The following ROBO2 variants were observed in gnomAD, a reference collection of about 807,000 sequenced individuals.
ROBO2 encodes the protein roundabout guidance receptor 2.
ROBO2 carries 53 observed loss-of-function variants against 160.8 expected under a neutral mutation model. That is an observed-to-expected ratio of 0.33 (90% CI 0.26 to 0.41). The LOEUF is 0.41. ROBO2 is among the 10% of genes least tolerant of loss of function. The probability of loss-of-function intolerance (pLI) is 1.00; values close to 1 mark genes in which losing one functional copy is unlikely to be tolerated. For synonymous variants in ROBO2, 664 were observed against 611.7 expected, an observed-to-expected ratio of 1.09 and a Z score of -1.26; for missense variants, 1,577 against 1,722.4, an observed-to-expected ratio of 0.92 and a Z score of 1.49.
In ROBO2 at chr3:77,546,475, C is replaced by T. The variant is rs2092701861; in HGVS notation, c.1059+13C>T. 1 of 1,612,630 alleles carries T rather than the reference C, an allele frequency of 6.2e-7. No individual in the cohort carries two copies. On this transcript the variant is annotated intron_variant, in intron 7 of 25. Coordinates refer to ENST00000461745, the Ensembl canonical transcript of ROBO2. The stretch of plus-strand genomic sequence containing the variant: ...AGAAGGCAGCCAGGTGAGTGTGAGG[C>T]TTCACTGCTTTTCTGAAATCTCTGA...
intron 2 of ROBO2, among the ~76,000 whole-genome samples, chr3:76,011,112 T>TA (rs992815351): frequency 1.7e-4 from 26 of 152,172 alleles, no homozygotes; most frequent in Admixed American, 6.5e-5. Context: ...ATAGACTCCA[T>TA]ATCCCTCCCT....
At chr3:77,116,410 C>G (rs895292252) in intron 2 of ROBO2, among the ~76,000 whole-genome samples, 1 of 152,054 alleles carries the variant, frequency 6.6e-6, no homozygotes, top group Non-Finnish European at 1.5e-5. Context: ...GGGTATTTCT[C>G]GTTTCAGAAG....
At chr3:77,460,265 A>G (rs1009402524) in intron 2 of ROBO2, among the ~76,000 whole-genome samples, 2 of 152,170 alleles carry the variant, frequency 1.3e-5, no homozygotes, top group Admixed American at 1.3e-4. Context: ...TGAGCGATTC[A>G]TAGAAGATGA....
chr3:76,867,883 T>G (rs1467528582), intron 2 of ROBO2, among the ~76,000 whole-genome samples: 1 of 152,186 alleles, frequency 6.6e-6, no homozygotes, highest in African/African-American at 2.4e-5. Context: ...CCAGTAATAC[T>G]TGAGGCAAAT....
At chr3:77,103,415 T>TTG (rs2072323981) in intron 2 of ROBO2, among the ~76,000 whole-genome samples, 1 of 151,540 alleles carries the variant, frequency 6.6e-6, no homozygotes, top group Non-Finnish European at 1.5e-5. Flanking sequence ...ATCTTTTTTT[T>TTG]TTTTTCTTTT....
chr3:76,414,445 G>T (rs913059859), intron 2 of ROBO2, among the ~76,000 whole-genome samples: 14 of 151,946 alleles, frequency 9.2e-5, no homozygotes, highest in Admixed American at 8.5e-4. Flanking sequence ...CATAAAAAAT[G>T]ATGAGTTCAT....
At chr3:77,182,525 G>A (rs1294412258) in intron 2 of ROBO2, among the ~76,000 whole-genome samples, 4 of 152,162 alleles carry the variant, frequency 2.6e-5, no homozygotes, top group South Asian at 2.1e-4. Flanking sequence ...ATTCGAGCCC[G>A]TTCTTTTGAA....
rs548631342 is a variant in ROBO2 at position 76,670,671 on chromosome 3, T to C, written c.110-427343T>C. ...ATTGTACAACTAGAGCCTTCTGTGG[T>C]GTCACAATGAATAAATATGTTTTAT... On this transcript the variant is annotated intron_variant, in intron 2 of 26. Coordinates refer to the ROBO2 transcript ENST00000487694. 1.7e-4 allele frequency among the ~76,000 whole-genome samples: 26 copies of C among 152,142 alleles called. No homozygotes were observed. The South Asian group carries it at 4.8e-3, about 28-fold the overall frequency.
chr3:76,185,710 C>T (rs1575790306), intron 2 of ROBO2, among the ~76,000 whole-genome samples: 1 of 152,032 alleles, frequency 6.6e-6, no homozygotes, highest in East Asian at 1.9e-4. Context: ...TAAAAATTGC[C>T]ATAATTAGCA....
At chr3:76,751,346 A>T (rs562929174) in intron 2 of ROBO2, among the ~76,000 whole-genome samples, 5 of 152,266 alleles carry the variant, frequency 3.3e-5, no homozygotes, top group African/African-American at 1.2e-4. Flanking sequence ...AAACCATAAA[A>T]ACCCTAGAAG....
intron 2 of ROBO2, among the ~76,000 whole-genome samples, chr3:77,029,986 C>T (rs1381875791): frequency 6.6e-6 from 1 of 151,520 alleles, no homozygotes; most frequent in Non-Finnish European, 1.5e-5. Flanking sequence ...CGCTCTGTCG[C>T]CCAGGCTGGA....
At chr3:77,634,760 A>G (rs555216585) in intron 23 of ROBO2, 110 bp from the exon 25 acceptor site, 1 of 1,012,336 alleles carries the variant, frequency 9.9e-7, no homozygotes, top group Non-Finnish European at 1.6e-6. Flanking sequence ...GTATCTTCAT[A>G]TGTTATCTCT....
intron 2 of ROBO2, among the ~76,000 whole-genome samples, chr3:76,559,333 A>C (rs2084007845): frequency 6.6e-6 from 1 of 152,208 alleles, no homozygotes; most frequent in Non-Finnish European, 1.5e-5. Context: ...CTGAGACTTT[A>C]TAAAAATAAA....
chr3:76,277,887 C>T (rs752162092), intron 2 of ROBO2, among the ~76,000 whole-genome samples: 1 of 150,492 alleles, frequency 6.6e-6, no homozygotes, highest in African/African-American at 2.4e-5. Context: ...ATAATAAGTC[C>T]AAGACATTTT....
intron 2 of ROBO2, among the ~76,000 whole-genome samples, chr3:76,140,041 C>T (rs934065659): frequency 5.9e-5 from 9 of 152,000 alleles, no homozygotes; most frequent in African/African-American, 2.2e-4. Flanking sequence ...CAACTGACTG[C>T]GTCATTTTGG....
intron 2 of ROBO2, among the ~76,000 whole-genome samples, chr3:76,699,692 C>T (rs2093007018): frequency 6.6e-6 from 1 of 152,128 alleles, no homozygotes; most frequent in Admixed American, 6.6e-5. Flanking sequence ...CAATGCACAA[C>T]ATTTTATAGC....
chr3:76,947,083 T>C (rs1167501685), intron 2 of ROBO2, among the ~76,000 whole-genome samples: 2 of 152,182 alleles, frequency 1.3e-5, no homozygotes, highest in Non-Finnish European at 2.9e-5. Flanking sequence ...TTCTTATCAC[T>C]CAAAATCACA....
In ROBO2 at chr3:77,204,767, A is replaced by G. The variant is rs1380723021; in HGVS notation, c.388+106427A>G. Among the ~76,000 whole-genome samples, 3 of 152,222 alleles carry G rather than the reference A, an allele frequency of 2.0e-5. No homozygotes were observed. In the East Asian group the frequency reaches 5.8e-4, roughly 29 times the overall value. The stretch of plus-strand genomic sequence containing the variant: ...CACCACAACAAAAACATACGCTTCA[A>G]GACAGATTATCCATGTTGTTTTGTT... On this transcript the variant is annotated intron_variant, in intron 2 of 25. Coordinates refer to ENST00000461745, the Ensembl canonical transcript of ROBO2.
chr3:76,241,851 A>G (rs753704584), intron 2 of ROBO2, among the ~76,000 whole-genome samples: 5 of 152,198 alleles, frequency 3.3e-5, no homozygotes, highest in East Asian at 1.9e-4. Context: ...GTAATGTTTT[A>G]TCATTGGCTC....
Sources: allele counts gnomAD v4.1 joint callset (sites outside exome capture counted in the v4.1 genomes callset), GRCh38; gene constraint gnomAD v4.1.1; transcripts MANE v1.5; gene names NCBI Gene and HGNC (gene_info 2026-07-23, HGNC 2026-07-21).